The following NR1H2 variants were observed in gnomAD, a reference collection of about 807,000 sequenced individuals.
NR1H2 encodes the protein nuclear receptor subfamily 1 group H member 2.
Under a neutral mutation model 51.2 loss-of-function variants are expected in NR1H2, and 33 were observed. That is an observed-to-expected ratio of 0.64 (90% confidence interval 0.49 to 0.86). The LOEUF (loss-of-function observed/expected upper bound fraction) is 0.86, where lower values mean the gene tolerates loss of function less well. NR1H2 is among the 40% of genes least tolerant of loss of function. The probability of loss-of-function intolerance (pLI) is 0.00; values close to 1 mark genes in which losing one functional copy is unlikely to be tolerated. For synonymous variants in NR1H2, 310 were observed against 264.3 expected (o/e 1.17, Z -1.68); for missense variants, 592 against 639.9 (o/e 0.93, Z 0.81).
chr19:50,378,460 C>A, intron 5 of NR1H2, 21 bp downstream of exon 5: 1 of 1,576,786 alleles, frequency 6.3e-7, no homozygotes, highest in Non-Finnish European at 8.6e-7. Context: ...CGGGAGGGGG[C>A]GGTGCCGGCC....
intron 2 of NR1H2, 33 bp from the exon 3 acceptor site, chr19:50,377,554 C>A (rs923838848): frequency 7.0e-6 from 11 of 1,570,694 alleles, no homozygotes; most frequent in Non-Finnish European, 9.6e-6. Context: ...CCTTCTTAGC[C>A]CCACAAGGCT....
rs557400951 is a variant in NR1H2 at position 50,382,673 on chromosome 19, C to A, written c.*71C>A. The A allele has an allele frequency of 1.4e-6, 2 of 1,470,564 alleles. No individual in the cohort carries two copies. The highest frequency in any genetic ancestry group is 2.3e-5 in the East Asian group (1 of 43,164). 91.1% of individuals were successfully genotyped at this position (1,470,564 alleles called of 1,614,324 possible). Reference sequence around the variant, plus strand: ...CAGATAGACGCCGGCACCCCTTCCTCTTCCTAGGGTGGAAGGGGCCCTGGG... The same window carrying A: ...CAGATAGACGCCGGCACCCCTTCCTATTCCTAGGGTGGAAGGGGCCCTGGG... On this transcript the variant is annotated 3_prime_UTR_variant, in exon 10 of 10. Coordinates refer to ENST00000253727, the MANE Select transcript of NR1H2 (RefSeq NM_007121.7).
chr19:50,382,358 C>T (rs918785290), intron 9 of NR1H2, 98 bp from the exon 10 acceptor site: 22 of 1,467,756 alleles, frequency 1.5e-5, no homozygotes, highest in South Asian at 7.7e-5. Flanking sequence ...CTGGCTCCCA[C>T]GCCTGGTCGG....
rs757832835 is a variant in NR1H2 at position 50,378,806 on chromosome 19, C to T, written c.747+10C>T. The T allele has an allele frequency of 5.6e-6, 9 of 1,610,666 alleles. No individual in the cohort carries two copies. The South Asian group carries it at 9.9e-5, about 18-fold the overall frequency. ...CCAGCCCAAAGTCACGGTACTGCCC[C>T]CTCCACAACCTTGAGTGTGACGGTC... On this transcript the variant is annotated intron_variant, in intron 6 of 9. Coordinates refer to ENST00000253727, the MANE Select transcript of NR1H2 (RefSeq NM_007121.7).
chr19:50,378,111 CT>C, intron 4 of NR1H2, 37 bp from the exon 5 acceptor site: 1 of 1,576,784 alleles, frequency 6.3e-7, no homozygotes. Flanking sequence ...CCTGTTTCTC[CT>C]TGTGGCTTTC....
intron 7 of NR1H2, among the ~76,000 whole-genome samples, chr19:50,379,428 G>A (rs1488720041): frequency 6.6e-6 from 1 of 152,174 alleles, no homozygotes; most frequent in East Asian, 1.9e-4. Flanking sequence ...TTGAATCAAA[G>A]TAGGGATAAC....
rs768453096 is a variant in NR1H2, at chr19:50,382,155, C to T, written c.1217C>T (p.Thr406Met). Residue 406 changes from threonine to methionine, a missense_variant, in exon 9 of 10, where the codon ACG becomes ATG. Physicochemically the swap from Thr to Met is moderately conservative, Grantham distance 81. Around this residue, in one of 3 missense-constraint regions of NR1H2, gnomAD observed 174 missense variants for 174.0 expected, o/e 1.00. Coordinates refer to ENST00000253727, the MANE Select transcript of NR1H2 (RefSeq NM_007121.7). ...QPYVEALLSY[T>M]RIKRPQDQLR... ...TACGTGGAGGCGCTGCTGTCCTACACGCGCATCAAGAGGCCGCAGGTAGGG... is the reference window on the plus strand; with the variant it reads ...TACGTGGAGGCGCTGCTGTCCTACATGCGCATCAAGAGGCCGCAGGTAGGG... 39 of 1,536,364 alleles carry T rather than the reference C, an allele frequency of 2.5e-5. No individual in the cohort carries two copies. The highest frequency in any genetic ancestry group is 3.2e-5 in the Non-Finnish European group (37 of 1,144,824).
rs763970639 is a variant in NR1H2, at chr19:50,377,713, C to T, written c.44-20C>T. ...GAGCAGAAGCTCACTGTACCTCTCC[C>T]GGATTCCACCCTCTTCCAGGAAATG... is the stretch of plus-strand genomic sequence containing the variant. On this transcript the variant is annotated intron_variant, in intron 3 of 9. Transcript: ENST00000253727. 53 of 1,603,438 alleles carry T rather than the reference C, an allele frequency of 3.3e-5. No homozygotes were observed. Among genetic ancestry groups the T allele is most frequent in the South Asian group, 2.0e-4 (18 of 89,946 alleles).
At chr19:50,377,285 C>A in intron 2 of NR1H2, 1 of 350,100 alleles carries the variant, frequency 2.9e-6, no homozygotes, top group Non-Finnish European at 5.1e-6. Context: ...GCCGTGAAGG[C>A]AGAGCATGAT....
chr19:50,378,122 C>T, intron 4 of NR1H2, 27 bp from the exon 5 acceptor site: 1 of 1,589,902 alleles, frequency 6.3e-7, no homozygotes, highest in East Asian at 2.2e-5. Flanking sequence ...TTGTGGCTTT[C>T]TCATGGCCTC....
In NR1H2 at chr19:50,383,144, C is replaced by G. The variant is rs2123664874; in HGVS notation, c.*542C>G. Among the ~76,000 whole-genome samples the G allele has an allele frequency of 6.6e-6, 1 of 152,246 alleles. No homozygotes were observed. The highest frequency in any genetic ancestry group is 3.4e-3 in the Middle Eastern group (1 of 294). On this transcript the variant is annotated 3_prime_UTR_variant, in exon 10 of 10. Coordinates refer to ENST00000253727, the MANE Select transcript of NR1H2 (RefSeq NM_007121.7). ...TGGGAAAAGGGTGGCACATAGGGTC[C>G]CAGTGTTGGGTGGTGTGTCGCCTGC...
At position 50,382,947 on chromosome 19, in the gene NR1H2, C is replaced by T. The variant is rs538887857; in HGVS notation, c.*345C>T. The T allele has an allele frequency of 8.9e-5, 20 of 224,024 alleles. No homozygotes were observed. The South Asian group carries it at 1.2e-3, about 14-fold the overall frequency. The allele number at this position is 224,024 out of a possible 1,614,324, so 13.9% of individuals were successfully genotyped here. ...CCCGGGAGACCAGGGCCTTCCTCTTCCTCTGCTTTTATTTAATAAAAACTA... is the reference window on the plus strand; with the variant it reads ...CCCGGGAGACCAGGGCCTTCCTCTTTCTCTGCTTTTATTTAATAAAAACTA... On this transcript the variant is annotated 3_prime_UTR_variant, in exon 10 of 10. Transcript: ENST00000253727.
chr19:50,377,377 G>A, intron 2 of NR1H2: 1 of 499,528 alleles, frequency 2.0e-6, no homozygotes, highest in Non-Finnish European at 3.5e-6. Context: ...CGGGGCTTAA[G>A]ACCAAGCTGA....
At chr19:50,379,991 A>G in intron 8 of NR1H2, 112 bp downstream of exon 8, 3 of 751,318 alleles carry the variant, frequency 4.0e-6, no homozygotes, top group Non-Finnish European at 4.7e-6. Flanking sequence ...AGTTGGGGTG[A>G]GGGTTGAGCC....
Position 50,382,023 on chromosome 19 carries a change from T to A in NR1H2, c.1085T>A (p.Leu362Gln). 1 of 1,568,590 alleles carries A rather than the reference T, an allele frequency of 6.4e-7. No homozygotes were observed. The highest frequency in any genetic ancestry group is 1.9e-5 in the Admixed American group (1 of 53,924). ...GAGTTCTCGCGGGCCATGCGGCGGC[T>A]GGGCCTGGACGACGCTGAGTACGCC... ...IFEFSRAMRR[L>Q]GLDDAEYALL... Residue 362 changes from leucine to glutamine, a missense_variant, in exon 9 of 10, where the codon CTG (leucine) becomes CAG (glutamine). Around this residue, in one of 3 missense-constraint regions of NR1H2, gnomAD observed 174 missense variants for 174.0 expected, o/e 1.00. Coordinates refer to ENST00000253727, the MANE Select transcript of NR1H2 (RefSeq NM_007121.7).
chr19:50,377,215 G>C (rs1046104452), intron 2 of NR1H2: 5 of 215,134 alleles, frequency 2.3e-5, no homozygotes, highest in Non-Finnish European at 3.7e-5. Context: ...GGGATGCTTG[G>C]GGCAGAAGTG....
At chr19:50,381,075 C>A (rs930970059) in intron 8 of NR1H2, among the ~76,000 whole-genome samples, 1 of 152,234 alleles carries the variant, frequency 6.6e-6, no homozygotes, top group Non-Finnish European at 1.5e-5. Flanking sequence ...CTCACCCTCT[C>A]CCCCTGTTCC....
chr19:50,381,858 T>C, intron 8 of NR1H2, 108 bp from the exon 9 acceptor site: 1 of 942,754 alleles, frequency 1.1e-6, no homozygotes, highest in Non-Finnish European at 1.6e-6. Flanking sequence ...AAGAACGCTG[T>C]AATTACTGCT....
rs757230346 is a variant in NR1H2, at chr19:50,379,106, C to T, written c.852C>T (p.Phe284=). ...AIISVQEIVD[F]AKQVPGFLQL... is the part of the protein sequence containing the mutation. Reference sequence around the variant, plus strand: ...TCTCAGTCCAGGAGATCGTGGACTTCGCTAAGCAAGTGCCTGGTTTCCTGC... The same window carrying T: ...TCTCAGTCCAGGAGATCGTGGACTTTGCTAAGCAAGTGCCTGGTTTCCTGC... The change falls in exon 7 of 10, where the codon TTC becomes TTT. Residue 284 remains phenylalanine, a synonymous_variant. Transcript: ENST00000253727. 37 of 1,613,936 alleles carry T rather than the reference C, an allele frequency of 2.3e-5. No homozygotes were observed. Among genetic ancestry groups the T allele is most frequent in the South Asian group, 1.8e-4 (16 of 91,092 alleles).
Sources: gnomAD v4.1 joint callset for allele counts (sites outside exome capture counted in the v4.1 genomes callset) on GRCh38, gnomAD v4.1.1 for gene constraint, gnomAD v4.1.1 regional missense constraint, MANE v1.5 for transcripts, NCBI Gene and HGNC (gene_info 2026-07-23, HGNC 2026-07-21) for gene names.